ANKRD28: variants seen among roughly 807,000 people sequenced by gnomAD.
ANKRD28 encodes serine/threonine-protein phosphatase 6 regulatory ankyrin repeat subunit A.
ANKRD28 carries 44 observed loss-of-function variants against 126.5 expected under a neutral mutation model. The ratio of observed to expected loss-of-function variants is 0.35; its 90% CI spans 0.27 to 0.45. The LOEUF (loss-of-function observed/expected upper bound fraction) is 0.45, where lower values mean the gene tolerates loss of function less well. Ranked by LOEUF, ANKRD28 falls within the 20% of genes least tolerant of loss-of-function variation. The pLI, the probability that ANKRD28 is intolerant of heterozygous loss-of-function variation, is 1.00. For synonymous variants in ANKRD28, 442 were observed against 468.5 expected (o/e 0.94, Z 0.73); for missense variants, 1,110 against 1,316.6 (o/e 0.84, Z 2.43).
In ANKRD28 at chr3:15,797,179, AGT is replaced by A. The variant is rs1196920691; in HGVS notation, c.-660_-659del. On this transcript the variant is annotated 5_prime_UTR_variant, in exon 1 of 28. It removes the in-frame stop codon of an upstream open reading frame in the 5' UTR. Transcript: ENST00000683139. ...AAGCTCAGAGGTTAACAATTCTTTC[AGT>A]GTTTGGGAAAGGGGCAAAAAACAAA... The A allele has an allele frequency of 5.6e-6, 4 of 713,200 alleles. No homozygotes were observed. Among genetic ancestry groups the A allele is most frequent in the East Asian group, 1.6e-4 (1 of 6,192 alleles). 44.2% of individuals were successfully genotyped at this position (713,200 alleles called of 1,614,324 possible). A position where few individuals can be genotyped will look rare whatever the true frequency, so the allele number is the denominator to read the frequency against.
chr3:15,788,908 A>G (rs75231831), intron 2 of ANKRD28, among the ~76,000 whole-genome samples: 1 of 150,956 alleles, frequency 6.6e-6, no homozygotes, highest in South Asian at 2.1e-4. Context: ...TTACCCCCCC[A>G]AAAAAAAAGA....
Position 15,853,243 on chromosome 3 carries a change from A to G in ANKRD28, c.27+6134T>C, listed in dbSNP as rs1339269368. On this transcript the variant is annotated intron_variant, in intron 1 of 27. Transcript: ENST00000399451. This position sits in a 1 kb window ranked among gnomAD's most constrained non-coding sequence, Gnocchi z 4.2. ...ATGATGTGAACCGCCCATAGGATAC[A>G]TTATTCAAAACAAAAGACCTAATCC... Among the ~76,000 whole-genome samples, 2 of 152,194 alleles carry G rather than the reference A, an allele frequency of 1.3e-5. No individual in the cohort carries two copies. Among genetic ancestry groups the G allele is most frequent in the Non-Finnish European group, 2.9e-5 (2 of 68,036 alleles).
rs2060724175 is a variant in ANKRD28 at position 15,812,046 on chromosome 3, A to C, written c.28-16740T>G. 1.3e-5 allele frequency among the ~76,000 whole-genome samples: 2 copies of C among 151,706 alleles called. No individual in the cohort carries two copies. The highest frequency in any genetic ancestry group is 1.3e-4 in the Admixed American group (2 of 15,232). ...TACGCACCTGTAGTCCCAGCTACTC[A>C]GGAGGCTGAGGTCGGAGAATCGCTT... is the stretch of plus-strand genomic sequence containing the variant. On this transcript the variant is annotated intron_variant, in intron 1 of 27. Coordinates refer to the ANKRD28 transcript ENST00000399451. The surrounding 1 kb of genome is among the most constrained non-coding windows in gnomAD (Gnocchi z 4.1).
At chr3:15,690,286 T>C (rs1210475972) in intron 17 of ANKRD28, 66 bp from the exon 18 acceptor site, 3 of 1,290,674 alleles carry the variant, frequency 2.3e-6, no homozygotes, top group Non-Finnish European at 1.1e-6. Context: ...AATACTTGAA[T>C]AAATGTAAAT....
At position 15,840,190 on chromosome 3, in the gene ANKRD28, A is replaced by T. The variant is rs148476088; in HGVS notation, c.27+19187T>A. Among the ~76,000 whole-genome samples, 7 of 152,378 alleles carry T rather than the reference A, an allele frequency of 4.6e-5. No homozygotes were observed. In the East Asian group the frequency reaches 1.3e-3, roughly 29 times the overall value. Reference sequence around the variant, plus strand: ...AAAAACTATTAGAACTGATAAATTCAGTAAAGTTGCAAGATACAAAAATCA... The same window carrying T: ...AAAAACTATTAGAACTGATAAATTCTGTAAAGTTGCAAGATACAAAAATCA... On this transcript the variant is annotated intron_variant, in intron 1 of 27. Coordinates refer to the ANKRD28 transcript ENST00000399451.
intron 27 of ANKRD28, among the ~76,000 whole-genome samples, chr3:15,675,188 T>C (rs2066807808): frequency 6.6e-6 from 1 of 152,052 alleles, no homozygotes; most frequent in African/African-American, 2.4e-5. Context: ...TGAGAATCGC[T>C]TGAACCCAGG....
intron 14 of ANKRD28, among the ~76,000 whole-genome samples, chr3:15,706,378 A>G (rs1207734611): frequency 2.0e-3 from 1 of 504 alleles, no homozygotes; most frequent in African/African-American, 7.2e-3. Flanking sequence ...GCTCAGAATG[A>G]TGTTTCCAGC....
upstream of ANKRD28, among the ~76,000 whole-genome samples, chr3:15,798,880 CA>C (rs1174453512): frequency 6.6e-6 from 1 of 151,962 alleles, no homozygotes; most frequent in Non-Finnish European, 1.5e-5. Context: ...TATTAACTAG[CA>C]TTTTTATTAA....
intron 20 of ANKRD28, 22 bp downstream of exon 20, chr3:15,685,980 G>C: frequency 6.3e-7 from 1 of 1,591,302 alleles, no homozygotes; most frequent in Non-Finnish European, 8.6e-7. Flanking sequence ...TTTTTGAAAG[G>C]AAAGAGCATA....
chr3:15,677,638 A>G, intron 24 of ANKRD28, 76 bp from the exon 25 acceptor site: 1 of 1,139,610 alleles, frequency 8.8e-7, no homozygotes, highest in Non-Finnish European at 1.3e-6. Context: ...CTGTAGAGAA[A>G]TGAAGATACA....
At chr3:15,798,211 A>ACGGCTTAACTGCTTT (rs1242074093), upstream of ANKRD28, 18 of 974,324 alleles carry the variant, frequency 1.8e-5, no homozygotes, top group African/African-American at 7.0e-5. Context: ...ACAATTCCAA[A>ACGGCTTAACTGCTTT]CGGCTTAACT....
intron 2 of ANKRD28, among the ~76,000 whole-genome samples, chr3:15,779,249 A>T (rs1319100017): frequency 6.6e-6 from 1 of 152,210 alleles, no homozygotes; most frequent in Non-Finnish European, 1.5e-5. Flanking sequence ...GGTACAACTG[A>T]TAATCTGATA....
chr3:15,833,570 T>C lies in ANKRD28; in HGVS notation c.27+25807A>G, dbSNP rs1485635068. On this transcript the variant is annotated intron_variant, in intron 1 of 27. Transcript: ENST00000399451. The surrounding 1 kb of genome is among the most constrained non-coding windows in gnomAD (Gnocchi z 4.4). ...TATATATATAATGTGTGTGTGTATA[T>C]ATATATCTCCTATTAGTTCTGTCCC... Among the ~76,000 whole-genome samples the C allele has an allele frequency of 6.7e-6, 1 of 150,204 alleles. No homozygotes were observed. Among genetic ancestry groups the C allele is most frequent in the Non-Finnish European group, 1.5e-5 (1 of 67,648 alleles).
At chr3:15,813,280 C>A (rs945310287) in intron 1 of ANKRD28, among the ~76,000 whole-genome samples, 2 of 152,072 alleles carry the variant, frequency 1.3e-5, no homozygotes, top group African/African-American at 4.8e-5. Flanking sequence ...GTGGGATGAT[C>A]GCTTGAGCCC....
Position 15,734,258 on chromosome 3 carries a change from T to A in ANKRD28, c.640+1152A>T, listed in dbSNP as rs190704184. On this transcript the variant is annotated intron_variant, in intron 6 of 27. Coordinates refer to ENST00000683139, the MANE Select transcript of ANKRD28 (RefSeq NM_001349278.2). ...GGGATGGACTATATAGTTCTTGAGTTAATATTCCTCCATTGAATCTTCTGT... is the reference window on the plus strand; with the variant it reads ...GGGATGGACTATATAGTTCTTGAGTAAATATTCCTCCATTGAATCTTCTGT... Among the ~76,000 whole-genome samples, 648 of 152,330 alleles carry A rather than the reference T, an allele frequency of 4.3e-3. 5 individuals are homozygous for A. Among genetic ancestry groups the A allele is most frequent in the Non-Finnish European group, 5.3e-3 (363 of 68,034 alleles).
chr3:15,698,827 A>G (rs1559359675), intron 14 of ANKRD28, among the ~76,000 whole-genome samples: 1 of 152,222 alleles, frequency 6.6e-6, no homozygotes. Flanking sequence ...GAGGTACTTT[A>G]TAGATTGAAT....
At chr3:15,825,336 C>T (rs764696968) in intron 1 of ANKRD28, among the ~76,000 whole-genome samples, 8 of 152,168 alleles carry the variant, frequency 5.3e-5, no homozygotes, top group Middle Eastern at 3.2e-3. Flanking sequence ...CTGTACAACG[C>T]TAATTTTTCA....
intron 11 of ANKRD28, among the ~76,000 whole-genome samples, chr3:15,711,569 C>T (rs748974008): frequency 5.3e-5 from 8 of 152,122 alleles, no homozygotes; most frequent in Admixed American, 6.5e-5. Context: ...AGGAACTGTT[C>T]AGAACAGGCA....
intron 2 of ANKRD28, among the ~76,000 whole-genome samples, chr3:15,792,213 T>A (rs2060063086): frequency 6.6e-6 from 1 of 152,188 alleles, no homozygotes; most frequent in South Asian, 2.1e-4. Flanking sequence ...GCAATTCCAC[T>A]GCTGGGTATA....
Sources: allele counts gnomAD v4.1 joint callset (sites outside exome capture counted in the v4.1 genomes callset), GRCh38; gene constraint gnomAD v4.1.1; non-coding constraint Gnocchi (gnomAD v3.1); transcripts MANE v1.5; gene names NCBI Gene and HGNC (gene_info 2026-07-23, HGNC 2026-07-21).